TAB2: variants seen among roughly 807,000 people sequenced by gnomAD.
The protein encoded by TAB2 is TGF-beta activated kinase 1 (MAP3K7) binding protein 2, also known as TGF-beta-activated kinase 1 and MAP3K7-binding protein 2.
A neutral mutation model predicts 65.0 loss-of-function variants in TAB2; 3 were observed. The observed-to-expected ratio is 0.05, with a 90% CI of 0.02 to 0.12. The LOEUF (loss-of-function observed/expected upper bound fraction) is 0.12. Among genes scored for constraint, TAB2 ranks in the 10% least tolerant of loss-of-function variants. TAB2 has a pLI of 1.00. For synonymous variants in TAB2, 298 were observed against 285.1 expected (o/e 1.05, Z -0.46); for missense variants, 623 against 840.3 (o/e 0.74, Z 3.20).
intron 1 of TAB2, among the ~76,000 whole-genome samples, chr6:149,359,820 A>G (rs966993352): frequency 2.0e-5 from 3 of 151,962 alleles, no homozygotes; most frequent in Non-Finnish European, 4.4e-5. Flanking sequence ...TCATTTTTTC[A>G]TTATTTCTGG....
At chr6:149,279,151 C>T (rs1469005987) in intron 1 of TAB2, among the ~76,000 whole-genome samples, 1 of 152,140 alleles carries the variant, frequency 6.6e-6, no homozygotes, top group Non-Finnish European at 1.5e-5. Context: ...TCATAAGGTC[C>T]CCTACAACCT....
intron 1 of TAB2, among the ~76,000 whole-genome samples, chr6:149,369,154 T>C (rs918074620): frequency 2.0e-5 from 3 of 152,160 alleles, no homozygotes; most frequent in South Asian, 2.1e-4. Context: ...AATGTACTTA[T>C]CTCCTATTTA....
chr6:149,318,691 TGGC>T (rs1779340518), intron 1 of TAB2: 1 of 152,328 alleles, frequency 6.6e-6, no homozygotes, highest in African/African-American at 2.4e-5. Context: ...AAGGGTCTCT[TGGC>T]GGTGCTGAAC....
intron 1 of TAB2, among the ~76,000 whole-genome samples, chr6:149,336,406 T>G (rs1267075333): frequency 6.6e-6 from 1 of 152,202 alleles, no homozygotes; most frequent in Non-Finnish European, 1.5e-5. Context: ...ACAGATGATC[T>G]TCTGTGCTTG....
At chr6:149,276,870 A>T (rs975036768) in intron 1 of TAB2, among the ~76,000 whole-genome samples, 1 of 152,220 alleles carries the variant, frequency 6.6e-6, no homozygotes, top group African/African-American at 2.4e-5. Flanking sequence ...CCACCCAAAT[A>T]TCATCTTGAT....
chr6:149,303,841 T>A (rs959396265), intron 1 of TAB2, among the ~76,000 whole-genome samples: 1 of 152,102 alleles, frequency 6.6e-6, no homozygotes, highest in Non-Finnish European at 1.5e-5. Flanking sequence ...AAGGTAAAGG[T>A]GAATCAGTGA....
At chr6:149,265,998 C>G (rs556613849) in intron 1 of TAB2, among the ~76,000 whole-genome samples, 1 of 152,174 alleles carries the variant, frequency 6.6e-6, no homozygotes, top group Admixed American at 6.5e-5. Flanking sequence ...ACCTGAAGCC[C>G]GTTCCTGGGT....
Position 149,320,689 on chromosome 6 carries a change from A to G in TAB2, c.-90+2674A>G, listed in dbSNP as rs531091556. On this transcript the variant is annotated intron_variant, in intron 1 of 6. Coordinates refer to ENST00000637181, the MANE Select transcript of TAB2 (RefSeq NM_001292034.3). ...AAAACAGCATTTTTTTTTGAGTTAT[A>G]TAAACAGATCAAGACTAAAAGTTTA... is the stretch of plus-strand genomic sequence containing the variant. 5.0e-3 allele frequency among the ~76,000 whole-genome samples: 761 copies of G among 152,200 alleles called. 6 individuals carry two copies. Among genetic ancestry groups the G allele is most frequent in the African/African-American group, 0.017 (719 of 41,540 alleles).
chr6:149,401,749 G>A (rs185055170), intron 6 of TAB2, among the ~76,000 whole-genome samples: 1 of 152,102 alleles, frequency 6.6e-6, no homozygotes, highest in Admixed American at 6.5e-5. Flanking sequence ...AACCTAAGAA[G>A]ATAGAAATCA....
chr6:149,336,016 C>A (rs1779923321), intron 1 of TAB2, among the ~76,000 whole-genome samples: 1 of 152,106 alleles, frequency 6.6e-6, no homozygotes, highest in South Asian at 2.1e-4. Flanking sequence ...GCATACTAAA[C>A]CTTTTCTGGA....
chr6:149,366,241 T>G (rs1159330184), intron 1 of TAB2, among the ~76,000 whole-genome samples: 1 of 152,222 alleles, frequency 6.6e-6, no homozygotes, highest in East Asian at 1.9e-4. Flanking sequence ...GTTTGTTATC[T>G]GTTTCAAGCC....
At chr6:149,230,516 C>T (rs1449082933) in intron 1 of TAB2, among the ~76,000 whole-genome samples, 1 of 152,144 alleles carries the variant, frequency 6.6e-6, no homozygotes, top group Non-Finnish European at 1.5e-5. Context: ...CAACTTAGAT[C>T]AATAATAGAT....
intron 1 of TAB2, among the ~76,000 whole-genome samples, chr6:149,352,597 T>C (rs1780526834): frequency 6.6e-6 from 1 of 152,220 alleles, no homozygotes; most frequent in Non-Finnish European, 1.5e-5. Context: ...AAGCACCTCT[T>C]ATATGTGATC....
intron 1 of TAB2, among the ~76,000 whole-genome samples, chr6:149,258,208 G>T (rs1315553139): frequency 1.3e-5 from 2 of 152,158 alleles, no homozygotes; most frequent in African/African-American, 2.4e-5. Flanking sequence ...CTCTACTCTA[G>T]TGGTGAGCCC....
At chr6:149,351,129 A>G (rs1039790374) in intron 1 of TAB2, among the ~76,000 whole-genome samples, 12 of 147,878 alleles carry the variant, frequency 8.1e-5, no homozygotes, top group Non-Finnish European at 1.8e-4. Flanking sequence ...CTTCCTCCTC[A>G]GCCCAGAGAG....
intron 1 of TAB2, among the ~76,000 whole-genome samples, chr6:149,266,362 A>G (rs1778265500): frequency 1.3e-5 from 2 of 152,220 alleles, no homozygotes; most frequent in South Asian, 4.1e-4. Context: ...TCCACTTGGC[A>G]GACTGTCCCT....
chr6:149,388,496 A>G (rs1301716961), intron 3 of TAB2, among the ~76,000 whole-genome samples: 9 of 152,210 alleles, frequency 5.9e-5, no homozygotes, highest in African/African-American at 1.7e-4. Context: ...ATGCTCCCAT[A>G]CTTACAAATG....
intron 1 of TAB2, among the ~76,000 whole-genome samples, chr6:149,351,582 T>TG (rs1303144066): frequency 2.0e-5 from 3 of 152,238 alleles, no homozygotes; most frequent in African/African-American, 7.2e-5. Context: ...TTATCTTACT[T>TG]GGATTACTCA....
chr6:149,329,289 A>T (rs1779713356), intron 1 of TAB2, among the ~76,000 whole-genome samples: 2 of 152,012 alleles, frequency 1.3e-5, no homozygotes, highest in African/African-American at 2.4e-5. Flanking sequence ...GACCCAAATT[A>T]AGGCACTGAT....
Sources: gnomAD v4.1 joint callset for allele counts (sites outside exome capture counted in the v4.1 genomes callset) on GRCh38, gnomAD v4.1.1 for gene constraint, MANE v1.5 for transcripts, NCBI Gene and HGNC (gene_info 2026-07-23, HGNC 2026-07-21) for gene names.